Variants in MEGF9 observed in about 807,000 individuals in gnomAD.
MEGF9 encodes the protein multiple epidermal growth factor-like domains protein 9.
In MEGF9, 6 loss-of-function variants were observed where a neutral mutation model predicts 46.8. The observed-to-expected ratio is 0.13, with a 90% confidence interval of 0.07 to 0.25. MEGF9 has a LOEUF of 0.25. Ranked by LOEUF, MEGF9 falls within the 10% of genes least tolerant of loss-of-function variation. The pLI, the probability that MEGF9 is intolerant of heterozygous loss-of-function variation, is 1.00. For synonymous variants in MEGF9, 302 were observed against 330.7 expected (o/e 0.91, Z 0.94); for missense variants, 683 against 792.4 (o/e 0.86, Z 1.66).
intron 2 of MEGF9, among the ~76,000 whole-genome samples, chr9:120,627,867 T>C (rs866808221): frequency 5.3e-5 from 8 of 152,340 alleles, no homozygotes; most frequent in Non-Finnish European, 1.2e-4. Flanking sequence ...CACTCTGACA[T>C]GAAGACAATA....
intron 2 of MEGF9, among the ~76,000 whole-genome samples, chr9:120,636,264 C>T (rs2043573838): frequency 6.6e-6 from 1 of 152,150 alleles, no homozygotes; most frequent in Non-Finnish European, 1.5e-5. Flanking sequence ...TCTAGAGTGG[C>T]TTCCATAGAT....
At chr9:120,693,290 A>T (rs1160078639) in intron 1 of MEGF9, among the ~76,000 whole-genome samples, 1 of 150,416 alleles carries the variant, frequency 6.6e-6, no homozygotes, top group Non-Finnish European at 1.5e-5. Context: ...AAAAAAAAAA[A>T]AAAAGAAGAA....
chr9:120,672,220 A>G (rs7038666), intron 1 of MEGF9, among the ~76,000 whole-genome samples: 6,486 of 152,170 alleles, frequency 0.043, 460 homozygotes, highest in African/African-American at 0.15. Flanking sequence ...TGCCACTCCT[A>G]TTCAAAATCA....
intron 1 of MEGF9, among the ~76,000 whole-genome samples, chr9:120,700,660 T>C (rs1394009688): frequency 6.6e-6 from 1 of 152,102 alleles, no homozygotes; most frequent in Non-Finnish European, 1.5e-5. Flanking sequence ...CAATAACCCT[T>C]CCCAATCCCT....
At chr9:120,633,853 T>C (rs1437061244) in intron 2 of MEGF9, among the ~76,000 whole-genome samples, 1 of 152,168 alleles carries the variant, frequency 6.6e-6, no homozygotes, top group Non-Finnish European at 1.5e-5. Context: ...CAGTGGTCAT[T>C]CAGGAGTATA....
chr9:120,614,668 G>A (rs1218606392), intron 3 of MEGF9, among the ~76,000 whole-genome samples: 1 of 151,922 alleles, frequency 6.6e-6, no homozygotes, highest in Non-Finnish European at 1.5e-5. Context: ...GGTTGGACAC[G>A]TCAAAACCTG....
At chr9:120,683,402 C>T (rs1355716340) in intron 1 of MEGF9, among the ~76,000 whole-genome samples, 1 of 152,164 alleles carries the variant, frequency 6.6e-6, no homozygotes, top group African/African-American at 2.4e-5. Flanking sequence ...AGGGAGGGAC[C>T]AGATGGGAGG....
At chr9:120,632,336 G>GTTTTT (rs34449214) in intron 2 of MEGF9, among the ~76,000 whole-genome samples, 1 of 132,982 alleles carries the variant, frequency 7.5e-6, no homozygotes, top group Admixed American at 7.5e-5. Flanking sequence ...ATTCCTAAGT[G>GTTTTT]TTTTTTTTTT....
chr9:120,659,552 C>G lies in MEGF9; in HGVS notation c.625G>C (p.Val209Leu). The G allele has an allele frequency of 6.2e-7, 1 of 1,612,378 alleles. No individual in the cohort carries two copies. Among genetic ancestry groups the G allele is most frequent in the Non-Finnish European group, 8.5e-7 (1 of 1,179,254 alleles). Residue 209 changes from valine to leucine, a missense_variant, in exon 2 of 6, where the codon GTT becomes CTT. Val to Leu is a conservative substitution (Grantham distance 32). Coordinates refer to ENST00000373930, the MANE Select transcript of MEGF9 (RefSeq NM_001080497.3). ...CAGCGATTCACATTCAGGCTTCCAA[C>G]CACAGAGCAGTTACATACATACTCT... The part of the protein sequence containing the change: ...PPEYVCNCSV[V>L]GSLNVNRCNQ...
intron 2 of MEGF9, among the ~76,000 whole-genome samples, chr9:120,658,142 G>A (rs1419133558): frequency 6.6e-6 from 1 of 151,982 alleles, no homozygotes; most frequent in South Asian, 2.1e-4. Flanking sequence ...GTGCCACCAC[G>A]CCCAGCTAAT....
At chr9:120,663,533 CA>C (rs2043711945) in intron 1 of MEGF9, among the ~76,000 whole-genome samples, 1 of 152,092 alleles carries the variant, frequency 6.6e-6, no homozygotes, top group Non-Finnish European at 1.5e-5. Flanking sequence ...TGAGAAGGAC[CA>C]AAGACAAGAG....
intron 1 of MEGF9, among the ~76,000 whole-genome samples, chr9:120,712,428 T>C (rs1359745356): frequency 6.6e-6 from 1 of 152,158 alleles, no homozygotes; most frequent in Non-Finnish European, 1.5e-5. Context: ...AACCTAAGAA[T>C]AAACTCCAGA....
chr9:120,643,066 G>A (rs1368886314), intron 2 of MEGF9, among the ~76,000 whole-genome samples: 1 of 152,114 alleles, frequency 6.6e-6, no homozygotes, highest in Non-Finnish European at 1.5e-5. Context: ...TGAAGCATTT[G>A]TGTCCCTTTT....
At chr9:120,621,208 C>T (rs940300562) in intron 3 of MEGF9, among the ~76,000 whole-genome samples, 1 of 152,174 alleles carries the variant, frequency 6.6e-6, no homozygotes, top group Non-Finnish European at 1.5e-5. Flanking sequence ...TCGGTTGACA[C>T]CTTTAATCCA....
intron 2 of MEGF9, among the ~76,000 whole-genome samples, chr9:120,628,423 A>T (rs2043535189): frequency 6.8e-6 from 1 of 146,092 alleles, no homozygotes; most frequent in East Asian, 2.1e-4. Context: ...ATAGTCTAAA[A>T]TATGTTTAGA....
intron 1 of MEGF9, among the ~76,000 whole-genome samples, chr9:120,679,207 A>G (rs966421827): frequency 6.6e-6 from 1 of 152,212 alleles, no homozygotes; most frequent in Non-Finnish European, 1.5e-5. Context: ...CACAATAGCA[A>G]AGACTTGGAA....
At chr9:120,653,045 C>A (rs947636196) in intron 2 of MEGF9, among the ~76,000 whole-genome samples, 1 of 152,236 alleles carries the variant, frequency 6.6e-6, no homozygotes, top group Non-Finnish European at 1.5e-5. Context: ...TTCTACTACA[C>A]GTCATCACAC....
At position 120,651,793 on chromosome 9, in the gene MEGF9, C is replaced by T. The variant is rs2043650943; in HGVS notation, c.803+7581G>A. The stretch of plus-strand genomic sequence containing the variant: ...TCAGCCTCCTGTGTAGCTGGGATTA[C>T]AGGCACCCGCCAGCATGCCCGGCTA... On this transcript the variant is annotated intron_variant, in intron 2 of 5. Coordinates refer to ENST00000373930, the MANE Select transcript of MEGF9 (RefSeq NM_001080497.3). 2.6e-5 allele frequency among the ~76,000 whole-genome samples: 4 copies of T among 151,600 alleles called. No individual in the cohort carries two copies. In the South Asian group the frequency reaches 8.3e-4, roughly 32 times the overall value.
At chr9:120,686,515 T>C (rs949401610) in intron 1 of MEGF9, among the ~76,000 whole-genome samples, 4 of 152,260 alleles carry the variant, frequency 2.6e-5, no homozygotes, top group African/African-American at 9.6e-5. Flanking sequence ...CTTTATATGT[T>C]TTTTAACCCA....
Sources: gnomAD v4.1 joint callset for allele counts (sites outside exome capture counted in the v4.1 genomes callset) on GRCh38, gnomAD v4.1.1 for gene constraint, MANE v1.5 for transcripts, NCBI Gene and HGNC (gene_info 2026-07-23, HGNC 2026-07-21) for gene names.